Variants in SRD5A1 observed in about 807,000 individuals in gnomAD.
The protein encoded by SRD5A1 is steroid 5 alpha-reductase 1, also known as 3-oxo-5-alpha-steroid 4-dehydrogenase 1.
A neutral mutation model predicts 28.2 loss-of-function variants in SRD5A1; 22 were observed. The observed-to-expected ratio is 0.78, with a 90% CI of 0.56 to 1.12. The LOEUF (loss-of-function observed/expected upper bound fraction) is 1.12, where lower values mean the gene tolerates loss of function less well. SRD5A1 is among the 50% of genes most tolerant of loss of function. The pLI, the probability that SRD5A1 is intolerant of heterozygous loss-of-function variation, is 0.00. For synonymous variants in SRD5A1, 151 were observed against 135.0 expected, an observed-to-expected ratio of 1.12 and a Z score of -0.82; for missense variants, 300 against 346.7, an observed-to-expected ratio of 0.87 and a Z score of 1.07.
At chr5:6,666,445 A>C (rs1389149015) in intron 4 of SRD5A1, among the ~76,000 whole-genome samples, 1 of 152,156 alleles carries the variant, frequency 6.6e-6, no homozygotes, top group African/African-American at 2.4e-5. Context: ...ACCGCGCCTG[A>C]CTGGATTATA....
intron 1 of SRD5A1, among the ~76,000 whole-genome samples, chr5:6,638,017 A>G (rs1738247019): frequency 6.6e-6 from 1 of 152,208 alleles, no homozygotes; most frequent in Admixed American, 6.5e-5. Context: ...GAAGTGTGTT[A>G]AAAGATAAAC....
At chr5:6,665,646 A>G (rs1739148363) in intron 4 of SRD5A1, among the ~76,000 whole-genome samples, 1 of 152,182 alleles carries the variant, frequency 6.6e-6, no homozygotes, top group African/African-American at 2.4e-5. Flanking sequence ...AGAAGTGAGT[A>G]ATGGCTCATT....
intron 1 of SRD5A1, among the ~76,000 whole-genome samples, chr5:6,650,640 CTT>C (rs934184808): frequency 2.1e-5 from 3 of 139,698 alleles, no homozygotes; most frequent in Non-Finnish European, 1.6e-5. Context: ...CGTGATCTTT[CTT>C]TTTTTTTTTT....
intron 1 of SRD5A1, among the ~76,000 whole-genome samples, chr5:6,636,843 G>A (rs1275568648): frequency 6.6e-6 from 1 of 152,144 alleles, no homozygotes; most frequent in Admixed American, 6.5e-5. Context: ...AGGAGTAAAA[G>A]ACAGGTTATG....
At chr5:6,655,538 C>G (rs572879725) in intron 2 of SRD5A1, among the ~76,000 whole-genome samples, 2 of 152,280 alleles carry the variant, frequency 1.3e-5, no homozygotes, top group East Asian at 3.9e-4. Context: ...GTGGGGGAAA[C>G]ATAGATGCGC....
intron 1 of SRD5A1, among the ~76,000 whole-genome samples, chr5:6,636,012 A>G (rs985919705): frequency 6.6e-6 from 1 of 151,968 alleles, no homozygotes; most frequent in Non-Finnish European, 1.5e-5. Flanking sequence ...TCCTATACTA[A>G]TAGTTTAAAA....
rs972187145 is a variant in SRD5A1, at chr5:6,674,201, TTTATTA to T, written c.*5941_*5946del. 2 of 152,046 alleles carry T rather than the reference TTTATTA, an allele frequency of 1.3e-5. No homozygotes were observed. Among genetic ancestry groups the T allele is most frequent in the Admixed American group, 6.6e-5 (1 of 15,254 alleles). 9.4% of individuals were successfully genotyped at this position (152,046 alleles called of 1,614,324 possible). ...AATTTAGATGCTACTTAATTTTTGC[TTTATTA>T]TTATTATGTTAATATCATCAACTGT... On this transcript the variant is annotated 3_prime_UTR_variant, in exon 5 of 5. Transcript: ENST00000274192.
chr5:6,658,405 C>T (rs1055538710), intron 3 of SRD5A1, among the ~76,000 whole-genome samples: 8 of 152,204 alleles, frequency 5.3e-5, no homozygotes, highest in Non-Finnish European at 1.2e-4. Context: ...GCGACGAACC[C>T]GCAATCTACA....
chr5:6,645,652 A>C (rs1296259803), intron 1 of SRD5A1, among the ~76,000 whole-genome samples: 1 of 152,040 alleles, frequency 6.6e-6, no homozygotes, highest in African/African-American at 2.4e-5. Flanking sequence ...AAAAAAAAAA[A>C]AAAGTCTGTA....
chr5:6,662,933 GT>G lies in SRD5A1; in HGVS notation c.686del (p.Leu229TyrfsTer26). On this transcript the variant is annotated frameshift_variant, in exon 4 of 5. Transcript: ENST00000274192. LOFTEE classifies it high-confidence loss of function. ...QGAAFAFFTF[C>X]FLSGRAKEHH... ...GCGGCTTTTGCTTTCTTCACGTTTT[GT>G]TTTTTATCTGGTAGAGCAAAAGAGC... 1 of 1,614,112 alleles carries G rather than the reference GT, an allele frequency of 6.2e-7. No homozygotes were observed. The highest frequency in any genetic ancestry group is 2.2e-5 in the East Asian group (1 of 44,878).
rs776802917 is a variant in SRD5A1 at position 6,669,065 on chromosome 5, C to G, written c.*797C>G. On this transcript the variant is annotated 3_prime_UTR_variant, in exon 5 of 5. Coordinates refer to ENST00000274192, the MANE Select transcript of SRD5A1 (RefSeq NM_001047.4). The stretch of plus-strand genomic sequence containing the variant: ...ACATGGTTTCTCTCTGTCTTCTAGT[C>G]TAGACCTAGTTTTTTTGTTCTGTTC... 3 of 152,192 alleles carry G rather than the reference C, an allele frequency of 2.0e-5. No individual in the cohort carries two copies. The highest frequency in any genetic ancestry group is 4.4e-5 in the Non-Finnish European group (3 of 68,034). The allele number at this position is 152,192 out of a possible 1,614,324, so 9.4% of individuals were successfully genotyped here. A position where few individuals can be genotyped will look rare whatever the true frequency, so the allele number is the denominator to read the frequency against.
rs965234927 is a variant in SRD5A1 at position 6,633,510 on chromosome 5, G to T, written c.-67G>T. On this transcript the variant is annotated 5_prime_UTR_variant, in exon 1 of 5. Coordinates refer to ENST00000274192, the MANE Select transcript of SRD5A1 (RefSeq NM_001047.4). ...TCCGGTAGCCGCCCCTCCTGCCCCC[G>T]CGCCGCCGCCCTATATGTTGCCCGC... 1.4e-6 allele frequency: 2 copies of T among 1,387,234 alleles called. No homozygotes were observed. The highest frequency in any genetic ancestry group is 1.9e-6 in the Non-Finnish European group (2 of 1,078,742). The allele number at this position is 1,387,234 out of a possible 1,614,324, so 85.9% of individuals were successfully genotyped here.
chr5:6,663,792 G>A (rs1022710700), intron 4 of SRD5A1, among the ~76,000 whole-genome samples: 14 of 152,084 alleles, frequency 9.2e-5, no homozygotes, highest in African/African-American at 3.4e-4. Context: ...CCTGGGAGGT[G>A]GAGGCTGCAG....
At chr5:6,652,045 A>G (rs1356979609) in intron 2 of SRD5A1, 37 bp downstream of exon 2, 4 of 1,579,774 alleles carry the variant, frequency 2.5e-6, no homozygotes, top group African/African-American at 2.7e-5. Flanking sequence ...CCTTGTTCAC[A>G]TCATTGCTTT....
Position 6,655,974 on chromosome 5 carries a change from T to C in SRD5A1, c.461-104T>C, listed in dbSNP as rs535455762. On this transcript the variant is annotated intron_variant, in intron 2 of 4. Transcript: ENST00000274192. ...TATGGCTAATATGTTACACTAACAATGGTAATCTGAAGGGTTGCAATAATA... is the reference window on the plus strand; with the variant it reads ...TATGGCTAATATGTTACACTAACAACGGTAATCTGAAGGGTTGCAATAATA... The C allele has an allele frequency of 8.1e-5, 65 of 800,658 alleles. No individual in the cohort carries two copies. The East Asian group carries it at 1.5e-3, about 19-fold the overall frequency. The allele number at this position is 800,658 out of a possible 1,614,324, so 49.6% of individuals were successfully genotyped here.
intron 1 of SRD5A1, chr5:6,645,059 G>A (rs1023923755): frequency 4.4e-6 from 2 of 453,502 alleles, no homozygotes; most frequent in African/African-American, 4.0e-5. Context: ...AGTCTTCCTA[G>A]GGGTCCTGGC....
intron 4 of SRD5A1, among the ~76,000 whole-genome samples, chr5:6,665,989 G>C (rs1739157233): frequency 6.6e-6 from 1 of 152,158 alleles, no homozygotes; most frequent in Admixed American, 6.6e-5. Context: ...AATCAATTCA[G>C]TTTTGCAGAA....
chr5:6,642,979 T>TA (rs1738407507), intron 1 of SRD5A1, among the ~76,000 whole-genome samples: 1 of 152,170 alleles, frequency 6.6e-6, no homozygotes, highest in Non-Finnish European at 1.5e-5. Context: ...GACCTGCTGA[T>TA]ACAAGGAATA....
Position 6,651,769 on chromosome 5 carries a change from C to A in SRD5A1, c.294-73C>A. Reference sequence around the variant, plus strand: ...AGAAAGTAAGATTTAAAACCCAAATCATTTAAGATAGGATTACAGAAATGA... The same window carrying A: ...AGAAAGTAAGATTTAAAACCCAAATAATTTAAGATAGGATTACAGAAATGA... On this transcript the variant is annotated intron_variant, in intron 1 of 4. Coordinates refer to ENST00000274192, the MANE Select transcript of SRD5A1 (RefSeq NM_001047.4). The A allele has an allele frequency of 1.0e-5, 14 of 1,398,164 alleles. No individual in the cohort carries two copies. The South Asian group carries it at 1.7e-4, about 17-fold the overall frequency. 86.6% of individuals were successfully genotyped at this position (1,398,164 alleles called of 1,614,324 possible).
Sources: allele counts gnomAD v4.1 joint callset (sites outside exome capture counted in the v4.1 genomes callset), GRCh38; gene constraint gnomAD v4.1.1; transcripts MANE v1.5; gene names NCBI Gene and HGNC (gene_info 2026-07-23, HGNC 2026-07-21).